Variants in ZNF136 observed in about 807,000 individuals in gnomAD.
ZNF136 encodes zinc finger protein 136, also known as zinc finger protein 136 (clone pHZ-20).
A neutral mutation model predicts 11.4 loss-of-function variants in ZNF136; 8 were observed. The ratio of observed to expected loss-of-function variants is 0.70; its 90% confidence interval spans 0.41 to 1.27. ZNF136 has a LOEUF of 1.27. ZNF136 is among the 50% of genes most tolerant of loss of function. ZNF136 has a pLI of 0.01. For synonymous variants in ZNF136, 190 were observed against 207.1 expected, an observed-to-expected ratio of 0.92 and a Z score of 0.71; for missense variants, 590 against 656.5, an observed-to-expected ratio of 0.90 and a Z score of 1.11.
Position 12,163,221 on chromosome 19 carries a change from C to T in ZNF136, c.3+15C>T. On this transcript the variant is annotated intron_variant, in intron 1 of 3. Transcript: ENST00000343979. ...GTCAGGAAATGGTGAGTGTGTCGGG[C>T]CCTGCGTCCCGAGACAGGGAGGAGG... is the stretch of plus-strand genomic sequence containing the variant. The T allele has an allele frequency of 7.2e-7, 1 of 1,384,706 alleles. No homozygotes were observed. 85.8% of individuals were successfully genotyped at this position (1,384,706 alleles called of 1,614,324 possible).
intron 1 of ZNF136, among the ~76,000 whole-genome samples, chr19:12,166,975 A>T (rs1977195920): frequency 6.6e-6 from 1 of 152,240 alleles, no homozygotes; most frequent in African/African-American, 2.4e-5. Context: ...ATCTGCAAAG[A>T]TCTGAAAGTT....
rs1282601376 is a variant in ZNF136 at position 12,187,003 on chromosome 19, A to C, written c.625A>C (p.Ser209Arg). The change falls in exon 4 of 4, where the codon AGT becomes CGT. Residue 209 changes from serine to arginine, a missense_variant. Coordinates refer to ENST00000343979, the MANE Select transcript of ZNF136 (RefSeq NM_003437.5). ...KVCGKAFDYP[S>R]RFRTHERSHT... Reference sequence around the variant, plus strand: ...GTGTGGGAAAGCTTTTGATTATCCCAGTAGATTTCGAACACATGAAAGAAG... The same window carrying C: ...GTGTGGGAAAGCTTTTGATTATCCCCGTAGATTTCGAACACATGAAAGAAG... 6.2e-7 allele frequency: 1 copy of C among 1,614,020 alleles called. No homozygotes were observed. Among genetic ancestry groups the C allele is most frequent in the Non-Finnish European group, 8.5e-7 (1 of 1,180,016 alleles).
In ZNF136 at chr19:12,186,303, A is replaced by G. The variant is rs1915081632; in HGVS notation, c.191+129A>G. On this transcript the variant is annotated intron_variant, in intron 3 of 3. Coordinates refer to ENST00000343979, the MANE Select transcript of ZNF136 (RefSeq NM_003437.5). ...TTTATTTTTTGAATATTTTCCCCAAATACATATTCTTCAGTGTAAACAGAT... is the reference window on the plus strand; with the variant it reads ...TTTATTTTTTGAATATTTTCCCCAAGTACATATTCTTCAGTGTAAACAGAT... 2.9e-6 allele frequency: 3 copies of G among 1,022,104 alleles called. No individual in the cohort carries two copies. The African/African-American group carries it at 4.9e-5, about 17-fold the overall frequency. 63.3% of individuals were successfully genotyped at this position (1,022,104 alleles called of 1,614,324 possible).
chr19:12,185,605 A>G, intron 1 of ZNF136, 180 bp from the exon 2 acceptor site: 1 of 706,316 alleles, frequency 1.4e-6, no homozygotes, highest in Non-Finnish European at 2.2e-6. Context: ...CTATTGTTCT[A>G]CCCGATAGTT....
chr19:12,184,669 CAGA>C (rs1403256374), intron 1 of ZNF136: 2 of 151,768 alleles, frequency 1.3e-5, no homozygotes, highest in African/African-American at 4.8e-5. Flanking sequence ...AGTATAATAA[CAGA>C]AGATGGGCTT....
rs765704665 is a variant in ZNF136, at chr19:12,187,386, C to G, written c.1008C>G (p.Phe336Leu). The G allele has an allele frequency of 6.2e-7, 1 of 1,612,274 alleles. No homozygotes were observed. The highest frequency in any genetic ancestry group is 1.1e-5 in the South Asian group (1 of 90,948). ...GAATTCACACTGGTGAGAAACCCTT[C>G]GTATGTAAACAATGTGGTAAAGCCT... ...HERIHTGEKP[F>L]VCKQCGKAFR... The change falls in exon 4 of 4, where the codon TTC becomes TTG. Residue 336 changes from phenylalanine to leucine, a missense_variant. Phe to Leu is a conservative substitution (Grantham distance 22, BLOSUM62 0). Transcript: ENST00000343979.
chr19:12,182,245 GTC>G (rs1914961361), intron 1 of ZNF136, among the ~76,000 whole-genome samples: 1 of 151,898 alleles, frequency 6.6e-6, no homozygotes, highest in Non-Finnish European at 1.5e-5. Context: ...AAAGCTTTGT[GTC>G]TCTCTTTTAT....
At chr19:12,170,548 G>A (rs904569234) in intron 1 of ZNF136, among the ~76,000 whole-genome samples, 1 of 151,406 alleles carries the variant, frequency 6.6e-6, no homozygotes, top group African/African-American at 2.4e-5. Flanking sequence ...CCACATGCCT[G>A]ATTAATGGTT....
rs1915180980 is a variant in ZNF136 at position 12,188,649 on chromosome 19, T to C, written c.*648T>C. 1 of 152,146 alleles carries C rather than the reference T, an allele frequency of 6.6e-6. No homozygotes were observed. Among genetic ancestry groups the C allele is most frequent in the Non-Finnish European group, 1.5e-5 (1 of 68,058 alleles). 9.4% of individuals were successfully genotyped at this position (152,146 alleles called of 1,614,324 possible). On this transcript the variant is annotated 3_prime_UTR_variant, in exon 4 of 4. Transcript: ENST00000343979. ...CAGCAGGGCCTCACTAGTTGAGGTA[T>C]TGAATTTGAACAGATGTTTTGGCTC...
intron 1 of ZNF136, chr19:12,169,510 GGGTAAA>G (rs1914583437): frequency 6.6e-6 from 1 of 152,148 alleles, no homozygotes; most frequent in African/African-American, 2.4e-5. Flanking sequence ...TTTTGAATGT[GGGTAAA>G]GGTAAACAAA....
At chr19:12,173,599 CTGTT>C (rs1254829671) in intron 1 of ZNF136, among the ~76,000 whole-genome samples, 2 of 152,190 alleles carry the variant, frequency 1.3e-5, no homozygotes, top group African/African-American at 4.8e-5. Flanking sequence ...CTCCACCTGG[CTGTT>C]TATTTGTAGC....
rs189164099 is a variant in ZNF136, at chr19:12,167,289, A to C, written c.3+4083A>C. 3.3e-5 allele frequency among the ~76,000 whole-genome samples: 5 copies of C among 152,366 alleles called. No homozygotes were observed. The East Asian group carries it at 9.6e-4, about 29-fold the overall frequency. On this transcript the variant is annotated intron_variant, in intron 1 of 3. Transcript: ENST00000343979. Reference sequence around the variant, plus strand: ...CACCTAAGAAGCAGAATCTCATTCTAGTACATTGAAGAGTCATGAAGCCAA... The same window carrying C: ...CACCTAAGAAGCAGAATCTCATTCTCGTACATTGAAGAGTCATGAAGCCAA...
intron 1 of ZNF136, chr19:12,184,814 A>C (rs1313304416): frequency 6.6e-6 from 1 of 152,052 alleles, no homozygotes; most frequent in African/African-American, 2.4e-5. Context: ...GGACGCCAGA[A>C]ATTTTCATAT....
intron 1 of ZNF136, among the ~76,000 whole-genome samples, chr19:12,181,385 T>A (rs1419597673): frequency 1.3e-5 from 2 of 152,220 alleles, no homozygotes; most frequent in East Asian, 3.8e-4. Flanking sequence ...TAGGTATAAT[T>A]TCTGCAGTCC....
intron 1 of ZNF136, among the ~76,000 whole-genome samples, chr19:12,167,463 C>T (rs767730327): frequency 7.9e-5 from 12 of 152,320 alleles, no homozygotes; most frequent in African/African-American, 2.9e-4. Context: ...CCATGGCTCA[C>T]GCTTGTAAGC....
intron 1 of ZNF136, among the ~76,000 whole-genome samples, chr19:12,176,376 G>C (rs887029588): frequency 5.3e-5 from 8 of 152,022 alleles, no homozygotes; most frequent in Non-Finnish European, 1.2e-4. Context: ...GCCCAGGTGG[G>C]ACTGCAGTGG....
At chr19:12,182,378 A>T (rs1250021687) in intron 1 of ZNF136, among the ~76,000 whole-genome samples, 2 of 152,142 alleles carry the variant, frequency 1.3e-5, no homozygotes, top group Admixed American at 6.5e-5. Context: ...TTCAGAACTG[A>T]CTGGGGCTGC....
Position 12,188,028 on chromosome 19 carries a change from A to G in ZNF136, c.*27A>G. 1.4e-6 allele frequency: 2 copies of G among 1,479,314 alleles called. No individual in the cohort carries two copies. The highest frequency in any genetic ancestry group is 1.8e-6 in the Non-Finnish European group (2 of 1,115,000). 91.6% of individuals were successfully genotyped at this position (1,479,314 alleles called of 1,614,324 possible). On this transcript the variant is annotated 3_prime_UTR_variant, in exon 4 of 4. Transcript: ENST00000343979. Reference sequence around the variant, plus strand: ...GCTCTGGGTTCATGTCAGATACATTAAAATACTCACTGAAGAGAAGCCCTA... The same window carrying G: ...GCTCTGGGTTCATGTCAGATACATTGAAATACTCACTGAAGAGAAGCCCTA...
At chr19:12,178,021 G>A (rs1267331791) in intron 1 of ZNF136, among the ~76,000 whole-genome samples, 1 of 152,132 alleles carries the variant, frequency 6.6e-6, no homozygotes, top group Non-Finnish European at 1.5e-5. Context: ...GTGGGAGGAT[G>A]GCTTGAGCCT....
Sources: gnomAD v4.1 joint callset for allele counts (sites outside exome capture counted in the v4.1 genomes callset) on GRCh38, gnomAD v4.1.1 for gene constraint, MANE v1.5 for transcripts, NCBI Gene and HGNC (gene_info 2026-07-23, HGNC 2026-07-21) for gene names.